The following DHRS12 variants were observed in gnomAD, a reference collection of about 807,000 sequenced individuals.
DHRS12 encodes the protein dehydrogenase/reductase SDR family member 12.
In DHRS12, 29 loss-of-function variants were observed where a neutral mutation model predicts 32.1. The observed-to-expected ratio is 0.90, with a 90% CI of 0.67 to 1.23. The LOEUF is 1.23. DHRS12 is among the 50% of genes most tolerant of loss of function. DHRS12 has a pLI of 0.00. For missense variants in DHRS12, 330 were observed against 337.2 expected (o/e 0.98, Z 0.17); for synonymous variants, 150 against 135.9 (o/e 1.10, Z -0.72).
At chr13:51,756,641 T>C in the DHRS12 span, 1 of 985,332 alleles carries the variant, frequency 1.0e-6, no homozygotes. Context: ...TCCTGTGAGA[T>C]GAGAGAAGAG....
At chr13:51,756,199 T>A in the DHRS12 span, 1 of 1,317,422 alleles carries the variant, frequency 7.6e-7, no homozygotes, top group East Asian at 2.4e-5. Context: ...TTCCCTTTAG[T>A]TCTGGGGCTC....
chr13:51,790,165 C>A lies in DHRS12; in HGVS notation c.220-73G>T. Reference sequence around the variant, plus strand: ...AGACCTATTTCCATCCCCACACCTCCACTACCCCACCCCCAGCTCTTTTTC... The same window carrying A: ...AGACCTATTTCCATCCCCACACCTCAACTACCCCACCCCCAGCTCTTTTTC... On this transcript the variant is annotated intron_variant, in intron 3 of 8. Transcript: ENST00000444610. 3 of 1,135,768 alleles carry A rather than the reference C, an allele frequency of 2.6e-6. No individual in the cohort carries two copies. In the South Asian group the frequency reaches 4.5e-5, roughly 17 times the overall value. The allele number at this position is 1,135,768 out of a possible 1,614,324, so 70.4% of individuals were successfully genotyped here. A position where few individuals can be genotyped will look rare whatever the true frequency, so the allele number is the denominator to read the frequency against.
At chr13:51,772,969 G>A (rs1228511948) in intron 6 of DHRS12, 1 of 985,384 alleles carries the variant, frequency 1.0e-6, no homozygotes, top group African/African-American at 1.7e-5. Flanking sequence ...GCCACCTTCG[G>A]AAGGCACACA....
chr13:51,772,438 C>T (rs781097686), intron 6 of DHRS12, among the ~76,000 whole-genome samples: 1 of 152,116 alleles, frequency 6.6e-6, no homozygotes, highest in African/African-American at 2.4e-5. Flanking sequence ...GCCTGGCCAA[C>T]GTGGTGAAAC....
At chr13:51,756,018 C>T in the DHRS12 span, among the ~76,000 whole-genome samples, 4 of 151,576 alleles carry the variant, frequency 2.6e-5, no homozygotes, top group Non-Finnish European at 4.4e-5. Flanking sequence ...TCAGACACCC[C>T]GCTTTAAGAT....
chr13:51,767,084 CG>C (rs1953773756), downstream of DHRS12: 1 of 152,250 alleles, frequency 6.6e-6, no homozygotes, highest in Non-Finnish European at 1.5e-5. Flanking sequence ...GAAATGACTT[CG>C]GGGCAAACAC....
chr13:51,756,534 G>A, the DHRS12 span: 525 of 1,521,716 alleles, frequency 3.5e-4, 4 homozygotes, highest in South Asian at 2.3e-3. Flanking sequence ...ACTCAGCGCC[G>A]CAACCATCAC....
chr13:51,780,781 C>G (rs1456627497), intron 4 of DHRS12, among the ~76,000 whole-genome samples: 1 of 152,118 alleles, frequency 6.6e-6, no homozygotes, highest in Non-Finnish European at 1.5e-5. Context: ...TCTGCATCCT[C>G]CAAATACTAA....
intron 4 of DHRS12, chr13:51,777,419 A>T (rs548938064): frequency 4.8e-6 from 2 of 418,666 alleles, no homozygotes; most frequent in South Asian, 7.3e-5. Flanking sequence ...TTGCAGAAGA[A>T]AAAATGCATC....
At chr13:51,758,017 A>AT in the DHRS12 span, among the ~76,000 whole-genome samples, 680 of 149,468 alleles carry the variant, frequency 4.5e-3, 4 homozygotes, top group Middle Eastern at 0.017. Context: ...GATTTCTTGT[A>AT]TTTTTTTTTT....
At chr13:51,791,070 A>G in intron 3 of DHRS12, 95 bp downstream of exon 3, 3 of 816,634 alleles carry the variant, frequency 3.7e-6, no homozygotes, top group South Asian at 2.4e-5. Context: ...AGATTCTTCC[A>G]TAAAGACAGG....
chr13:51,758,667 A>G, the DHRS12 span, among the ~76,000 whole-genome samples: 2 of 152,166 alleles, frequency 1.3e-5, no homozygotes, highest in Non-Finnish European at 2.9e-5. Context: ...AAGAAATAAG[A>G]CAGAGCTCCA....
Position 51,772,544 on chromosome 13 carries a change from G to A in DHRS12, c.469-633C>T, listed in dbSNP as rs978684051. 76 of 811,244 alleles carry A rather than the reference G, an allele frequency of 9.4e-5. 3 individuals are homozygous for A. Among genetic ancestry groups the A allele is most frequent in the Non-Finnish European group, 3.0e-6 (2 of 671,126 alleles). The allele number at this position is 811,244 out of a possible 1,614,324, so 50.3% of individuals were successfully genotyped here. ...GAGCTGTAATCCCAGCTACTCAGGA[G>A]GCTGAGGTAGGAGAATTGCTTAAAC... On this transcript the variant is annotated intron_variant, in intron 6 of 8. Coordinates refer to ENST00000444610, the MANE Select transcript of DHRS12 (RefSeq NM_001377533.1).
At chr13:51,770,136 T>A (rs80188736) in intron 7 of DHRS12, among the ~76,000 whole-genome samples, 3,181 of 152,364 alleles carry the variant, frequency 0.021, 108 homozygotes, top group African/African-American at 0.069. Flanking sequence ...CCTCCTTTTT[T>A]AAATTAAAAA....
chr13:51,784,250 G>A lies in DHRS12; in HGVS notation c.301+5761C>T, dbSNP rs796217839. 9.8e-5 allele frequency among the ~76,000 whole-genome samples: 15 copies of A among 152,308 alleles called. 1 individual carries two copies. The highest frequency in any genetic ancestry group is 3.6e-4 in the African/African-American group (15 of 41,568). On this transcript the variant is annotated intron_variant, in intron 4 of 8. Coordinates refer to ENST00000444610, the MANE Select transcript of DHRS12 (RefSeq NM_001377533.1). ...CCCATCAGCAGGTGGCTTCTGCTGA[G>A]CCACAACAGGCACACAGAGGGGTCC...
downstream of DHRS12, chr13:51,765,645 A>T (rs1953722790): frequency 6.6e-6 from 1 of 152,202 alleles, no homozygotes; most frequent in East Asian, 1.9e-4. Flanking sequence ...CCCTTGGATA[A>T]CGGAGAGCCT....
At chr13:51,768,394 A>G in intron 8 of DHRS12, 98 bp from the exon 9 acceptor site, 6 of 1,510,414 alleles carry the variant, frequency 4.0e-6, no homozygotes, top group Non-Finnish European at 5.3e-6. Context: ...CGCCTGCTGG[A>G]GTGGCAGCAC....
Position 51,799,640 on chromosome 13 carries a change from G to A in DHRS12, c.20C>T (p.Thr7Ile). The A allele has an allele frequency of 6.2e-7, 1 of 1,614,122 alleles. No homozygotes were observed. Among genetic ancestry groups the A allele is most frequent in the Non-Finnish European group, 8.5e-7 (1 of 1,180,036 alleles). ...GGACCTCCAAGTCATGAGGGACAAA[G>A]TCTTTACATGCAGATTCATAGCCAC... MNLHVK[T>I]LSLMTWRSRF... The change falls in exon 2 of 9, where the codon ACT becomes ATT. Residue 7 changes from threonine to isoleucine, a missense_variant. By Grantham distance (89) the Thr-to-Ile change is moderately conservative (BLOSUM62 -1). Coordinates refer to ENST00000444610, the MANE Select transcript of DHRS12 (RefSeq NM_001377533.1).
chr13:51,756,213 T>G, the DHRS12 span: 1 of 1,427,452 alleles, frequency 7.0e-7, no homozygotes, highest in Non-Finnish European at 9.4e-7. Flanking sequence ...GGGGCTCTCT[T>G]GTTCAGCATC....
Sources: allele counts gnomAD v4.1 joint callset (sites outside exome capture counted in the v4.1 genomes callset), GRCh38; gene constraint gnomAD v4.1.1; transcripts MANE v1.5; gene names NCBI Gene and HGNC (gene_info 2026-07-23, HGNC 2026-07-21).